The following IDE variants were observed in gnomAD, a reference collection of about 807,000 sequenced individuals.
The protein encoded by IDE is insulin degrading enzyme.
IDE carries 58 observed loss-of-function variants against 133.2 expected under a neutral mutation model. That is an observed-to-expected ratio of 0.44 (90% CI 0.35 to 0.54). The LOEUF (loss-of-function observed/expected upper bound fraction) is 0.54. Ranked by LOEUF, IDE falls within the 20% of genes least tolerant of loss-of-function variation. IDE has a pLI of 0.00. For synonymous variants in IDE, 396 were observed against 421.3 expected, an observed-to-expected ratio of 0.94 and a Z score of 0.73; for missense variants, 981 against 1,234.0, an observed-to-expected ratio of 0.79 and a Z score of 3.07.
intron 1 of IDE, among the ~76,000 whole-genome samples, chr10:92,547,787 C>T (rs1474587992): frequency 2.0e-5 from 3 of 152,162 alleles, no homozygotes; most frequent in African/African-American, 7.2e-5. Context: ...TCACTGTCTG[C>T]ACTGATCTAC....
intron 4 of IDE, 127 bp from the exon 5 acceptor site, chr10:92,515,169 A>T (rs913133460): frequency 4.4e-6 from 3 of 688,700 alleles, no homozygotes; most frequent in Non-Finnish European, 7.3e-6. Flanking sequence ...GAATAACTCA[A>T]ATTTATTTGA....
chr10:92,514,091 TA>T (rs1848774420), intron 5 of IDE, among the ~76,000 whole-genome samples: 1 of 152,220 alleles, frequency 6.6e-6, no homozygotes, highest in South Asian at 2.1e-4. Flanking sequence ...AACATCCTTT[TA>T]TATCTCCTAT....
intron 15 of IDE, among the ~76,000 whole-genome samples, chr10:92,478,356 C>T (rs1320743605): frequency 1.3e-5 from 2 of 152,096 alleles, no homozygotes; most frequent in Non-Finnish European, 2.9e-5. Context: ...TTAATATACT[C>T]AATTATATAG....
At chr10:92,460,278 T>TA (rs1845302936) in intron 22 of IDE, among the ~76,000 whole-genome samples, 1 of 152,166 alleles carries the variant, frequency 6.6e-6, no homozygotes, top group African/African-American at 2.4e-5. Context: ...TCATTTATTT[T>TA]AAAAAGCAGC....
intron 1 of IDE, among the ~76,000 whole-genome samples, chr10:92,560,578 T>C (rs1356685640): frequency 6.6e-6 from 1 of 150,668 alleles, no homozygotes; most frequent in Admixed American, 6.6e-5. Context: ...AGGACAGGAG[T>C]TCAAGACGAG....
intron 1 of IDE, chr10:92,573,278 T>TCGGAGACAAC: frequency 1.5e-6 from 1 of 663,816 alleles, no homozygotes; most frequent in Non-Finnish European, 1.9e-6. Flanking sequence ...AAGCCATCTC[T>TCGGAGACAAC]CGGAGCTCCG....
rs1013145938 is a variant in IDE, at chr10:92,465,618, A to T, written c.2488+58T>A. 4 of 1,449,744 alleles carry T rather than the reference A, an allele frequency of 2.8e-6. No homozygotes were observed. The Admixed American group carries it at 7.4e-5, about 27-fold the overall frequency. 89.8% of individuals were successfully genotyped at this position (1,449,744 alleles called of 1,614,324 possible). A position where few individuals can be genotyped will look rare whatever the true frequency, so the allele number is the denominator to read the frequency against. On this transcript the variant is annotated intron_variant, in intron 20 of 24. Transcript: ENST00000265986. ...GGTGAAAATGTGGAAAATGTTTTAC[A>T]GGGAAAATAATTCATCAAAGTCTAC...
intron 4 of IDE, among the ~76,000 whole-genome samples, chr10:92,531,508 T>C (rs1238658931): frequency 6.6e-6 from 1 of 152,192 alleles, no homozygotes; most frequent in Non-Finnish European, 1.5e-5. Flanking sequence ...CTGGTTAATA[T>C]CTATTCACAA....
At chr10:92,473,470 G>A (rs552839357) in intron 17 of IDE, among the ~76,000 whole-genome samples, 74 of 151,684 alleles carry the variant, frequency 4.9e-4, no homozygotes, top group East Asian at 9.7e-4. Flanking sequence ...ATGGAAGGCA[G>A]GTATAATCAC....
chr10:92,481,879 C>T (rs1846635114), intron 14 of IDE, among the ~76,000 whole-genome samples: 1 of 152,072 alleles, frequency 6.6e-6, no homozygotes, highest in South Asian at 2.1e-4. Context: ...ATCATAGAGG[C>T]CAAATGGAAA....
chr10:92,489,006 C>T (rs896257048), intron 12 of IDE, among the ~76,000 whole-genome samples: 1 of 150,182 alleles, frequency 6.7e-6, no homozygotes, highest in Admixed American at 6.7e-5. Flanking sequence ...GAGCAAGGCC[C>T]TGTCTATTTA....
intron 11 of IDE, among the ~76,000 whole-genome samples, chr10:92,504,454 T>C (rs909609946): frequency 6.6e-6 from 1 of 152,164 alleles, no homozygotes; most frequent in African/African-American, 2.4e-5. Context: ...CTTTGGGCGT[T>C]TGAGTTAGAA....
At position 92,471,785 on chromosome 10, in the gene IDE, G is replaced by A. The variant is rs181557333; in HGVS notation, c.2117-1440C>T. 4.5e-3 allele frequency among the ~76,000 whole-genome samples: 691 copies of A among 152,242 alleles called. 2 individuals are homozygous for A. The highest frequency in any genetic ancestry group is 0.016 in the African/African-American group (650 of 41,536). ...GCTGAAGTGCAGTGGTGCAACCTCC[G>A]CCTCCTGGGTTCAAGCGATTCTCCT... On this transcript the variant is annotated intron_variant, in intron 17 of 24. Transcript: ENST00000265986.
rs560791838 is a variant in IDE, at chr10:92,513,602, C to A, written c.784+1318G>T. The stretch of plus-strand genomic sequence containing the variant: ...TTTTTGTAAACAGCTTTTGTTTTCT[C>A]TTTAATATATTAAGAACATTTTAAA... On this transcript the variant is annotated intron_variant, in intron 5 of 24. Coordinates refer to ENST00000265986, the MANE Select transcript of IDE (RefSeq NM_004969.4). 2.0e-5 allele frequency among the ~76,000 whole-genome samples: 3 copies of A among 150,918 alleles called. No individual in the cohort carries two copies. The East Asian group carries it at 5.8e-4, about 29-fold the overall frequency.
intron 12 of IDE, 133 bp from the exon 13 acceptor site, chr10:92,487,451 AG>A: frequency 1.3e-6 from 1 of 773,072 alleles, no homozygotes; most frequent in Non-Finnish European, 2.0e-6. Context: ...CATATATAAA[AG>A]AGGTACTACC....
intron 1 of IDE, among the ~76,000 whole-genome samples, chr10:92,544,974 T>A (rs1021102483): frequency 7.9e-5 from 12 of 152,128 alleles, no homozygotes; most frequent in East Asian, 7.7e-4. Flanking sequence ...AACCATATAA[T>A]CAGAAAAAAG....
chr10:92,557,044 C>T (rs1843046221), intron 1 of IDE, among the ~76,000 whole-genome samples: 1 of 151,988 alleles, frequency 6.6e-6, no homozygotes, highest in South Asian at 2.1e-4. Flanking sequence ...AACAGTAATC[C>T]CCAAATAGAT....
chr10:92,514,062 T>C (rs1281937172), intron 5 of IDE, among the ~76,000 whole-genome samples: 2 of 152,220 alleles, frequency 1.3e-5, no homozygotes. Context: ...TTTTCGCTAA[T>C]ATGTACTATA....
intron 1 of IDE, among the ~76,000 whole-genome samples, chr10:92,566,999 G>A (rs543383387): frequency 6.6e-6 from 1 of 152,284 alleles, no homozygotes; most frequent in East Asian, 1.9e-4. Context: ...TAGTAGGTCA[G>A]TATTCATCAA....
Sources: allele counts gnomAD v4.1 joint callset (sites outside exome capture counted in the v4.1 genomes callset), GRCh38; gene constraint gnomAD v4.1.1; transcripts MANE v1.5; gene names NCBI Gene and HGNC (gene_info 2026-07-23, HGNC 2026-07-21).